SEMA5A: variants seen among roughly 807,000 people sequenced by gnomAD.
The protein encoded by SEMA5A is semaphorin 5A.
Under a neutral mutation model 135.5 loss-of-function variants are expected in SEMA5A, and 55 were observed. That is an observed-to-expected ratio of 0.41 (90% confidence interval 0.33 to 0.51). The LOEUF (loss-of-function observed/expected upper bound fraction) is 0.51, where lower values mean the gene tolerates loss of function less well. Ranked by LOEUF, SEMA5A falls within the 20% of genes least tolerant of loss-of-function variation. SEMA5A has a pLI of 0.37. For synonymous variants in SEMA5A, 580 were observed against 546.5 expected, an observed-to-expected ratio of 1.06 and a Z score of -0.85; for missense variants, 1,290 against 1,419.9, an observed-to-expected ratio of 0.91 and a Z score of 1.47.
At chr5:9,368,570 C>T (rs756984099) in intron 3 of SEMA5A, among the ~76,000 whole-genome samples, 11 of 152,200 alleles carry the variant, frequency 7.2e-5, no homozygotes, top group Admixed American at 1.3e-4. Flanking sequence ...TTCCTTGACC[C>T]TATATCCAGG....
chr5:9,237,694 T>C (rs1747983682), intron 6 of SEMA5A, 134 bp downstream of exon 6: 2 of 651,582 alleles, frequency 3.1e-6, no homozygotes, highest in African/African-American at 1.8e-5. Flanking sequence ...ATATACCGTA[T>C]ACATATTTTG....
At chr5:9,529,323 C>T (rs1433682332) in intron 1 of SEMA5A, among the ~76,000 whole-genome samples, 1 of 152,214 alleles carries the variant, frequency 6.6e-6, no homozygotes, top group East Asian at 1.9e-4. Flanking sequence ...TGCCAGGCTT[C>T]TCGGCACCTT....
chr5:9,259,732 C>T (rs1749298867), intron 5 of SEMA5A, among the ~76,000 whole-genome samples: 1 of 124,376 alleles, frequency 8.0e-6, no homozygotes, highest in Non-Finnish European at 1.7e-5. Flanking sequence ...CTCTGGGACG[C>T]ATTCAAAGCA....
At chr5:9,066,942 C>T (rs1043364918) in intron 16 of SEMA5A, among the ~76,000 whole-genome samples, 1 of 152,196 alleles carries the variant, frequency 6.6e-6, no homozygotes, top group African/African-American at 2.4e-5. Context: ...TAAAAATCGT[C>T]TTCCTTTCAC....
chr5:9,088,025 C>T (rs890775252), intron 16 of SEMA5A, among the ~76,000 whole-genome samples: 2 of 152,118 alleles, frequency 1.3e-5, no homozygotes, highest in African/African-American at 4.8e-5. Context: ...TGGTGGCTCA[C>T]GCCTATAATC....
intron 1 of SEMA5A, among the ~76,000 whole-genome samples, chr5:9,507,937 T>C (rs75813438): frequency 1.3e-5 from 2 of 151,084 alleles, no homozygotes; most frequent in African/African-American, 4.9e-5. Flanking sequence ...CCAGGAGGCA[T>C]AGCTTGCAGT....
intron 15 of SEMA5A, among the ~76,000 whole-genome samples, chr5:9,109,748 A>C (rs1458438180): frequency 6.6e-6 from 1 of 152,204 alleles, no homozygotes; most frequent in Non-Finnish European, 1.5e-5. Context: ...TTCACAGTCG[A>C]AAATAAACAC....
chr5:9,045,595 G>A (rs1209450505), intron 21 of SEMA5A, among the ~76,000 whole-genome samples: 1 of 152,076 alleles, frequency 6.6e-6, no homozygotes, highest in Non-Finnish European at 1.5e-5. Flanking sequence ...CATGTGTGCT[G>A]GTGTGGTGTA....
At chr5:9,312,036 A>G (rs1418556734) in intron 5 of SEMA5A, among the ~76,000 whole-genome samples, 3 of 152,162 alleles carry the variant, frequency 2.0e-5, no homozygotes, top group African/African-American at 7.2e-5. Context: ...AGGTTAAATG[A>G]GCTCCAGCCC....
Position 9,237,875 on chromosome 5 carries a change from A to G in SEMA5A, c.286T>C (p.Cys96Arg). The G allele has an allele frequency of 6.2e-7, 1 of 1,613,534 alleles. No individual in the cohort carries two copies. The highest frequency in any genetic ancestry group is 8.5e-7 in the Non-Finnish European group (1 of 1,179,636). Residue 96 changes from cysteine to arginine, a missense_variant, in exon 6 of 23, where the codon TGT (cysteine) becomes CGT (arginine). This residue lies in a region of SEMA5A where 116 missense variants were observed against 121.3 expected (regional missense o/e 0.96). Transcript: ENST00000382496. ...CAGGCCTTTTTGGTAGCTTCATCACACTCCCATTCCACAGCCTGTAGAAAA... is the reference window on the plus strand; with the variant it reads ...CAGGCCTTTTTGGTAGCTTCATCACGCTCCCATTCCACAGCCTGTAGAAAA... ...LSLIQAVEWE[C>R]DEATKKACYS...
At chr5:9,107,474 C>T (rs1739983735) in intron 16 of SEMA5A, among the ~76,000 whole-genome samples, 1 of 152,104 alleles carries the variant, frequency 6.6e-6, no homozygotes, top group Admixed American at 6.5e-5. Flanking sequence ...CGGTTCATCC[C>T]ACAATGTTCT....
At chr5:9,045,436 A>T (rs1736197167) in intron 21 of SEMA5A, among the ~76,000 whole-genome samples, 1 of 152,220 alleles carries the variant, frequency 6.6e-6, no homozygotes, top group South Asian at 2.1e-4. Context: ...TACACTTTTC[A>T]TTATATTTTT....
intron 5 of SEMA5A, among the ~76,000 whole-genome samples, chr5:9,304,870 C>T (rs1185259656): frequency 6.6e-6 from 1 of 152,152 alleles, no homozygotes; most frequent in Non-Finnish European, 1.5e-5. Flanking sequence ...TTATACGTTT[C>T]TTAGAGTTAA....
intron 1 of SEMA5A, among the ~76,000 whole-genome samples, chr5:9,534,411 C>T (rs1485703151): frequency 1.3e-5 from 2 of 152,158 alleles, no homozygotes; most frequent in African/African-American, 4.8e-5. Context: ...AAACACTTAG[C>T]AACAAATCCA....
At chr5:9,410,966 C>A (rs1432461886) in intron 2 of SEMA5A, among the ~76,000 whole-genome samples, 1 of 142,274 alleles carries the variant, frequency 7.0e-6, no homozygotes, top group African/African-American at 2.6e-5. Context: ...TAGCAAATGA[C>A]AATTTCCATC....
chr5:9,373,273 A>G (rs1755219891), intron 3 of SEMA5A, among the ~76,000 whole-genome samples: 1 of 152,222 alleles, frequency 6.6e-6, no homozygotes, highest in Non-Finnish European at 1.5e-5. Flanking sequence ...AATCATTCAT[A>G]CTGTGATATG....
In SEMA5A at chr5:9,270,249, G is replaced by T. The variant is rs117153376; in HGVS notation, c.271-32359C>A. Among the ~76,000 whole-genome samples, 116 of 152,212 alleles carry T rather than the reference G, an allele frequency of 7.6e-4. No homozygotes were observed. In the East Asian group the frequency reaches 0.02, roughly 27 times the overall value. On this transcript the variant is annotated intron_variant, in intron 5 of 22. Transcript: ENST00000382496. ...TGCATCCAGTGTGATTCCACTGGAA[G>T]AAGACTCTTGGAAGATCACACCTTG...
chr5:9,292,213 A>G (rs1751120727), intron 5 of SEMA5A, among the ~76,000 whole-genome samples: 1 of 152,218 alleles, frequency 6.6e-6, no homozygotes, highest in Admixed American at 6.5e-5. Flanking sequence ...TTTGTAAATC[A>G]ATTCTGTGAA....
rs564096001 is a variant in SEMA5A, at chr5:9,463,237, G to A, written c.-174-25385C>T. ...AGTGCGAAGTATGGATTCTGACAACGAATTCTAAATAAAAGATCATTGAAA... is the reference window on the plus strand; with the variant it reads ...AGTGCGAAGTATGGATTCTGACAACAAATTCTAAATAAAAGATCATTGAAA... On this transcript the variant is annotated intron_variant, in intron 1 of 22. Coordinates refer to ENST00000382496, the MANE Select transcript of SEMA5A (RefSeq NM_003966.3). 2.0e-5 allele frequency among the ~76,000 whole-genome samples: 3 copies of A among 152,168 alleles called. No individual in the cohort carries two copies. In the South Asian group the frequency reaches 6.2e-4, roughly 32 times the overall value.
Sources: allele counts gnomAD v4.1 joint callset (sites outside exome capture counted in the v4.1 genomes callset), GRCh38; gene constraint gnomAD v4.1.1; regional missense constraint gnomAD v4.1.1; transcripts MANE v1.5; gene names NCBI Gene and HGNC (gene_info 2026-07-23, HGNC 2026-07-21).